CDH4: variants seen among roughly 807,000 people sequenced by gnomAD.
The protein encoded by CDH4 is cadherin 4, also known as cadherin-4.
A neutral mutation model predicts 86.0 loss-of-function variants in CDH4; 33 were observed. That is an observed-to-expected ratio of 0.38 (90% CI 0.29 to 0.51). The LOEUF is 0.51. Among genes scored for constraint, CDH4 ranks in the 20% least tolerant of loss-of-function variants. The pLI is 0.86. For synonymous variants in CDH4, 555 were observed against 549.4 expected, an observed-to-expected ratio of 1.01 and a Z score of -0.14; for missense variants, 1,114 against 1,307.4, an observed-to-expected ratio of 0.85 and a Z score of 2.28.
chr20:61,558,484 C>T (rs2086193355), intron 2 of CDH4, among the ~76,000 whole-genome samples: 1 of 152,206 alleles, frequency 6.6e-6, no homozygotes, highest in East Asian at 1.9e-4. Flanking sequence ...GATTTTGTAG[C>T]TCTCTGGGGC....
chr20:61,667,293 T>A (rs1004774144), intron 2 of CDH4, among the ~76,000 whole-genome samples: 1 of 152,218 alleles, frequency 6.6e-6, no homozygotes, highest in African/African-American at 2.4e-5. Context: ...GAGCCCTCGA[T>A]GCACATCCCG....
chr20:61,559,374 A>C (rs961177996), intron 2 of CDH4, among the ~76,000 whole-genome samples: 1 of 152,208 alleles, frequency 6.6e-6, no homozygotes, highest in South Asian at 2.1e-4. Context: ...GCTGATGGCC[A>C]TCACTGGGGC....
At position 61,544,969 on chromosome 20, in the gene CDH4, C is replaced by T. The variant is rs1216879127; in HGVS notation, c.170-198594C>T. 6.6e-6 allele frequency among the ~76,000 whole-genome samples: 1 copy of T among 152,160 alleles called. No individual in the cohort carries two copies. Among genetic ancestry groups the T allele is most frequent in the Non-Finnish European group, 1.5e-5 (1 of 68,030 alleles). On this transcript the variant is annotated intron_variant, in intron 2 of 15. Transcript: ENST00000614565. The surrounding 1 kb of genome is among the most constrained non-coding windows in gnomAD (Gnocchi z 6.5). ...CCAGGTAGACAAGTAGGGTGACTAGCAAATGACCCTTGAGCAGCCCTACTG... is the reference window on the plus strand; with the variant it reads ...CCAGGTAGACAAGTAGGGTGACTAGTAAATGACCCTTGAGCAGCCCTACTG...
intron 2 of CDH4, among the ~76,000 whole-genome samples, chr20:61,327,156 T>C (rs2084541224): frequency 6.6e-6 from 1 of 152,212 alleles, no homozygotes. Flanking sequence ...AAATCTCATC[T>C]TTTATCTAAA....
At chr20:61,845,274 T>C (rs1382401068) in intron 5 of CDH4, among the ~76,000 whole-genome samples, 3 of 152,224 alleles carry the variant, frequency 2.0e-5, no homozygotes, top group Non-Finnish European at 2.9e-5. Flanking sequence ...GCTGGGACAA[T>C]AGTCCTGCAA....
intron 2 of CDH4, among the ~76,000 whole-genome samples, chr20:61,636,724 C>T (rs533481992): frequency 6.6e-6 from 1 of 152,366 alleles, no homozygotes; most frequent in Admixed American, 6.5e-5. Flanking sequence ...TCCACGCCCT[C>T]CCCTGGTGCC....
chr20:61,516,743 T>A lies in CDH4; in HGVS notation c.170-226820T>A. 6.6e-6 allele frequency among the ~76,000 whole-genome samples: 1 copy of A among 152,176 alleles called. No homozygotes were observed. Among genetic ancestry groups the A allele is most frequent in the South Asian group, 2.1e-4 (1 of 4,824 alleles). ...CGCGGCCCTGCCCGAGAGCAGGCAC[T>A]AAAAATAACCAGGCTCCGTTCCCAG... is the stretch of plus-strand genomic sequence containing the variant. On this transcript the variant is annotated intron_variant, in intron 2 of 15. Transcript: ENST00000614565. The surrounding 1 kb of genome is among the most constrained non-coding windows in gnomAD (Gnocchi z 4.0).
chr20:61,844,424 G>T (rs1982330851), intron 4 of CDH4, among the ~76,000 whole-genome samples: 1 of 152,096 alleles, frequency 6.6e-6, no homozygotes, highest in East Asian at 1.9e-4. Flanking sequence ...GGCATCCCGA[G>T]TTCTCGGTGT....
intron 2 of CDH4, chr20:61,718,295 C>T (rs1036356265): frequency 6.1e-6 from 1 of 163,444 alleles, no homozygotes; most frequent in Non-Finnish European, 1.4e-5. Flanking sequence ...GCATCCCTGC[C>T]TCTCCTGTAA....
intron 2 of CDH4, among the ~76,000 whole-genome samples, chr20:61,558,527 G>A (rs2086193587): frequency 6.6e-6 from 1 of 152,238 alleles, no homozygotes; most frequent in African/African-American, 2.4e-5. Context: ...ACACTGGCCT[G>A]CGGCCTCTGG....
In CDH4 at chr20:61,850,940, G is replaced by A. The variant is rs370257313; in HGVS notation, c.733-1814G>A. The stretch of plus-strand genomic sequence containing the variant: ...CGTTATCCGCACTCGCGCTGCTCCC[G>A]CTGCTACAGATAGCGCCTGAAACTG... On this transcript the variant is annotated intron_variant, in intron 5 of 15. Transcript: ENST00000614565. Among the ~76,000 whole-genome samples, 11 of 152,374 alleles carry A rather than the reference G, an allele frequency of 7.2e-5. No individual in the cohort carries two copies. The South Asian group carries it at 1.9e-3, about 26-fold the overall frequency.
chr20:61,360,766 A>C, intron 2 of CDH4, among the ~76,000 whole-genome samples: 1 of 152,208 alleles, frequency 6.6e-6, no homozygotes, highest in East Asian at 1.9e-4. Flanking sequence ...ACTGTAAAGA[A>C]TCTGTCAAAA....
chr20:61,635,752 T>C (rs75306478), intron 2 of CDH4, among the ~76,000 whole-genome samples: 2,240 of 152,298 alleles, frequency 0.015, 63 homozygotes, highest in African/African-American at 0.051. Flanking sequence ...TGCCACCCAC[T>C]TCTGCCTGAG....
intron 4 of CDH4, among the ~76,000 whole-genome samples, chr20:61,826,285 G>A (rs1362819262): frequency 6.6e-6 from 1 of 152,190 alleles, no homozygotes; most frequent in African/African-American, 2.4e-5. Flanking sequence ...TGCCATCCTG[G>A]CCTCCTTACT....
At chr20:61,273,813 A>G (rs2084203311) in intron 2 of CDH4, among the ~76,000 whole-genome samples, 1 of 142,512 alleles carries the variant, frequency 7.0e-6, no homozygotes, top group Non-Finnish European at 1.5e-5. Flanking sequence ...TACCATATGC[A>G]GTTTGGGGGA....
intron 3 of CDH4, among the ~76,000 whole-genome samples, chr20:61,762,232 A>G (rs546027717): frequency 6.6e-6 from 1 of 152,332 alleles, no homozygotes; most frequent in African/African-American, 2.4e-5. Context: ...GTCACGAGGC[A>G]TGTTGGAAAC....
intron 3 of CDH4, among the ~76,000 whole-genome samples, chr20:61,744,682 G>A (rs911366908): frequency 3.3e-5 from 5 of 152,104 alleles, no homozygotes; most frequent in African/African-American, 9.7e-5. Flanking sequence ...CTTCTAACCC[G>A]GCTGCCTGGC....
At chr20:61,525,623 C>T (rs528227610) in intron 2 of CDH4, among the ~76,000 whole-genome samples, 29 of 152,314 alleles carry the variant, frequency 1.9e-4, no homozygotes, top group African/African-American at 5.5e-4. Flanking sequence ...AGGTAGCTGC[C>T]GTGTGCTCGG....
At chr20:61,418,210 T>TTTTTTTTC (rs1491194664) in intron 2 of CDH4, among the ~76,000 whole-genome samples, 1 of 24,776 alleles carries the variant, frequency 4.0e-5, no homozygotes. Flanking sequence ...CTTTTTTTTC[T>TTTTTTTTC]TTTTTTTTTT....
Sources: gnomAD v4.1 joint callset for allele counts (sites outside exome capture counted in the v4.1 genomes callset) on GRCh38, gnomAD v4.1.1 for gene constraint, Gnocchi (gnomAD v3.1) non-coding constraint, MANE v1.5 for transcripts, NCBI Gene and HGNC (gene_info 2026-07-23, HGNC 2026-07-21) for gene names.